The following ARHGAP5 variants were observed in gnomAD, a reference collection of about 807,000 sequenced individuals.
ARHGAP5 encodes the protein Rho GTPase activating protein 5.
A neutral mutation model predicts 116.6 loss-of-function variants in ARHGAP5; 23 were observed. The ratio of observed to expected loss-of-function variants is 0.20; its 90% CI spans 0.14 to 0.28. ARHGAP5 has a LOEUF of 0.28. Ranked by LOEUF, ARHGAP5 falls within the 10% of genes least tolerant of loss-of-function variation. ARHGAP5 has a pLI of 1.00. For synonymous variants in ARHGAP5, 574 were observed against 602.0 expected (o/e 0.95, Z 0.68); for missense variants, 1,405 against 1,774.8 (o/e 0.79, Z 3.74).
chr14:32,131,053 A>G (rs1357168717), intron 3 of ARHGAP5, among the ~76,000 whole-genome samples: 2 of 152,140 alleles, frequency 1.3e-5, no homozygotes, highest in Non-Finnish European at 2.9e-5. Context: ...AGATTTCCCC[A>G]CTAACAAGAA....
chr14:32,108,128 G>T (rs1879101915), intron 2 of ARHGAP5, among the ~76,000 whole-genome samples: 1 of 152,216 alleles, frequency 6.6e-6, no homozygotes, highest in African/African-American at 2.4e-5. Flanking sequence ...GTGACAAGCG[G>T]TTTAAGGGAA....
chr14:32,093,003 G>A lies in ARHGAP5; in HGVS notation c.2334G>A (p.Leu778=). 1 of 1,614,094 alleles carries A rather than the reference G, an allele frequency of 6.2e-7. No homozygotes were observed. Among genetic ancestry groups the A allele is most frequent in the Non-Finnish European group, 8.5e-7 (1 of 1,179,968 alleles). Residue 778 remains leucine, a synonymous_variant, in exon 2 of 7, where the codon TTG becomes TTA. Coordinates refer to ENST00000345122, the MANE Select transcript of ARHGAP5 (RefSeq NM_001030055.2). ...ATAAGGACTTATCAGAAGCTGACTT[G>A]AGAATTGTCATGTGCGCCATGTGTG... ...PANKDLSEAD[L]RIVMCAMCGD...
intron 1 of ARHGAP5, among the ~76,000 whole-genome samples, chr14:32,085,848 ATTTT>A (rs1440640425): frequency 1.3e-5 from 2 of 152,140 alleles, no homozygotes; most frequent in African/African-American, 4.8e-5. Context: ...TTGAAAAAAA[ATTTT>A]TTTAAGATGT....
chr14:32,129,707 G>T (rs1206677256), intron 3 of ARHGAP5, among the ~76,000 whole-genome samples: 1 of 149,194 alleles, frequency 6.7e-6, no homozygotes, highest in African/African-American at 2.5e-5. Context: ...TCAATCCCTT[G>T]TTTCTCCTGC....
At chr14:32,131,585 T>G (rs1880500368) in intron 3 of ARHGAP5, among the ~76,000 whole-genome samples, 1 of 152,182 alleles carries the variant, frequency 6.6e-6, no homozygotes, top group African/African-American at 2.4e-5. Flanking sequence ...TTGTTTTTTG[T>G]TTTTTGTTAT....
chr14:32,109,867 C>T (rs1031240658), intron 2 of ARHGAP5, among the ~76,000 whole-genome samples: 19 of 152,078 alleles, frequency 1.2e-4, no homozygotes, highest in African/African-American at 3.6e-4. Context: ...TCCAGTTTTC[C>T]GGAGAACTCT....
chr14:32,123,008 G>A (rs1419426319), intron 3 of ARHGAP5, among the ~76,000 whole-genome samples: 1 of 152,026 alleles, frequency 6.6e-6, no homozygotes, highest in Non-Finnish European at 1.5e-5. Context: ...TCTCTTTAAA[G>A]ACTGCTTGTT....
intron 2 of ARHGAP5, among the ~76,000 whole-genome samples, chr14:32,110,232 G>A (rs867503061): frequency 2.7e-5 from 4 of 150,918 alleles, no homozygotes; most frequent in Non-Finnish European, 4.4e-5. Flanking sequence ...AAGATGATAC[G>A]TGAGTAGTTA....
At chr14:32,079,456 A>G (rs1312330647) in intron 1 of ARHGAP5, among the ~76,000 whole-genome samples, 1 of 152,190 alleles carries the variant, frequency 6.6e-6, no homozygotes, top group East Asian at 1.9e-4. Flanking sequence ...CAAGATACTT[A>G]TCCTAAATGT....
rs1566687997 is a variant in ARHGAP5 at position 32,154,758 on chromosome 14, C to T, written c.4319C>T (p.Thr1440Ile). 2 of 1,614,150 alleles carry T rather than the reference C, an allele frequency of 1.2e-6. No homozygotes were observed. The highest frequency in any genetic ancestry group is 3.3e-5 in the Admixed American group (2 of 60,016). Residue 1440 changes from threonine (T) to isoleucine (I), a missense_variant, in exon 7 of 7, where the codon ACA becomes ATA. This residue lies in a region of ARHGAP5 where 85 missense variants were observed against 96.6 expected (regional missense o/e 0.88). Coordinates refer to ENST00000345122, the MANE Select transcript of ARHGAP5 (RefSeq NM_001030055.2). ...TTKIHQSVVETFIQQCQFFFY... is the reference protein window; with the variant it reads ...TTKIHQSVVEIFIQQCQFFFY... The stretch of plus-strand genomic sequence containing the variant: ...AAGATTCATCAATCTGTTGTTGAAA[C>T]ATTCATTCAGCAGTGTCAGTTTTTC...
intron 3 of ARHGAP5, among the ~76,000 whole-genome samples, chr14:32,128,396 C>T (rs1444940360): frequency 6.6e-6 from 1 of 152,248 alleles, no homozygotes; most frequent in Non-Finnish European, 1.5e-5. Flanking sequence ...GCTGGGCTCC[C>T]AAACAGGTTC....
At chr14:32,078,771 G>A (rs2041741501) in intron 1 of ARHGAP5, among the ~76,000 whole-genome samples, 1 of 152,096 alleles carries the variant, frequency 6.6e-6, no homozygotes, top group Admixed American at 6.5e-5. Flanking sequence ...ATTTCATCTA[G>A]ATGCAGCGAT....
intron 1 of ARHGAP5, among the ~76,000 whole-genome samples, chr14:32,080,408 A>AGTT (rs2041760337): frequency 6.6e-6 from 1 of 151,720 alleles, no homozygotes; most frequent in Non-Finnish European, 1.5e-5. Context: ...CCTTGACATG[A>AGTT]GTTTACCTTT....
intron 1 of ARHGAP5, among the ~76,000 whole-genome samples, chr14:32,084,652 A>T (rs780727641): frequency 1.7e-3 from 263 of 152,302 alleles, no homozygotes; most frequent in Non-Finnish European, 1.7e-3. Context: ...AATTGTTCAA[A>T]TTTTTAATAG....
intron 3 of ARHGAP5, among the ~76,000 whole-genome samples, chr14:32,133,238 T>G (rs570403818): frequency 0.012 from 1,788 of 152,320 alleles, 29 homozygotes; most frequent in African/African-American, 0.04. Context: ...TTCTTCCATT[T>G]GTTTGTATCC....
chr14:32,154,494 A>G (rs553507119), intron 6 of ARHGAP5, 127 bp from the exon 7 acceptor site: 2 of 898,700 alleles, frequency 2.2e-6, no homozygotes, highest in South Asian at 3.7e-5. Context: ...TCTTTATGCA[A>G]ATTTTTAAAC....
intron 2 of ARHGAP5, among the ~76,000 whole-genome samples, chr14:32,103,378 A>C (rs1236862659): frequency 2.0e-5 from 3 of 152,196 alleles, no homozygotes; most frequent in Admixed American, 2.0e-4. Flanking sequence ...GTTAAGACTT[A>C]ATTGGAAAGA....
chr14:32,117,709 G>A (rs1004702283), intron 3 of ARHGAP5, among the ~76,000 whole-genome samples: 3 of 152,270 alleles, frequency 2.0e-5, no homozygotes, highest in East Asian at 1.9e-4. Context: ...TTGTAAATGC[G>A]TAAAAGGCAG....
intron 2 of ARHGAP5, among the ~76,000 whole-genome samples, chr14:32,097,957 A>G (rs947313441): frequency 2.0e-5 from 3 of 152,232 alleles, no homozygotes; most frequent in Non-Finnish European, 4.4e-5. Flanking sequence ...GAAAGACATT[A>G]AAAAGACCTA....
Sources: gnomAD v4.1 joint callset for allele counts (sites outside exome capture counted in the v4.1 genomes callset) on GRCh38, gnomAD v4.1.1 for gene constraint, gnomAD v4.1.1 regional missense constraint, MANE v1.5 for transcripts, NCBI Gene and HGNC (gene_info 2026-07-23, HGNC 2026-07-21) for gene names.